The following LIPA variants were observed in gnomAD, a reference collection of about 807,000 sequenced individuals.
The protein encoded by LIPA is lysosomal acid lipase/cholesteryl ester hydrolase.
A neutral mutation model predicts 40.6 loss-of-function variants in LIPA; 26 were observed. The ratio of observed to expected loss-of-function variants is 0.64; its 90% CI spans 0.47 to 0.89. The LOEUF (loss-of-function observed/expected upper bound fraction) is 0.89, where lower values mean the gene tolerates loss of function less well. LIPA is among the 40% of genes least tolerant of loss of function. The probability of loss-of-function intolerance (pLI) is 0.00; values close to 1 mark genes in which losing one functional copy is unlikely to be tolerated. For synonymous variants in LIPA, 188 were observed against 168.4 expected (o/e 1.12, Z -0.90); for missense variants, 455 against 479.6 (o/e 0.95, Z 0.48).
At chr10:89,289,993 A>C (rs1052212089) in intron 1 of LIPA, among the ~76,000 whole-genome samples, 3 of 126,160 alleles carry the variant, frequency 2.4e-5, no homozygotes, top group African/African-American at 8.8e-5. Flanking sequence ...ACTGCTAAAA[A>C]AAAAGGGTGG....
intron 1 of LIPA, among the ~76,000 whole-genome samples, chr10:89,330,161 G>C (rs1351920450): frequency 2.6e-5 from 4 of 152,212 alleles, no homozygotes; most frequent in Non-Finnish European, 5.9e-5. Context: ...GGCTTAGCTT[G>C]GGCTCAGAGG....
intron 1 of LIPA, among the ~76,000 whole-genome samples, chr10:89,325,416 G>A (rs1397377984): frequency 6.6e-6 from 1 of 152,126 alleles, no homozygotes; most frequent in African/African-American, 2.4e-5. Flanking sequence ...ACATGTTCAA[G>A]TATGTTCATC....
At chr10:89,279,184 G>A (rs1192769311) in intron 1 of LIPA, among the ~76,000 whole-genome samples, 1 of 152,176 alleles carries the variant, frequency 6.6e-6, no homozygotes, top group Non-Finnish European at 1.5e-5. Context: ...GTGATGATTT[G>A]TGTCCATTTG....
At chr10:89,386,106 C>A (rs1844208824) in intron 2 of LIPA, among the ~76,000 whole-genome samples, 2 of 152,106 alleles carry the variant, frequency 1.3e-5, no homozygotes, top group Admixed American at 1.3e-4. Flanking sequence ...CAAGCACAGT[C>A]ATAGCACGCT....
chr10:89,278,005 T>C (rs1476896184), intron 1 of LIPA: 1 of 152,136 alleles, frequency 6.6e-6, no homozygotes, highest in Non-Finnish European at 1.5e-5. Context: ...TGTACTGCCA[T>C]TGTGAGAACC....
intron 2 of LIPA, chr10:89,393,220 G>A (rs1292670459): frequency 7.8e-7 from 1 of 1,289,756 alleles, no homozygotes; most frequent in African/African-American, 1.5e-5. Context: ...AAAGCTCACA[G>A]CCTTCCTCCA....
intron 1 of LIPA, among the ~76,000 whole-genome samples, chr10:89,323,536 C>T (rs1192226196): frequency 6.6e-6 from 1 of 151,518 alleles, no homozygotes; most frequent in African/African-American, 2.4e-5. Flanking sequence ...CTAGAAAACC[C>T]CCACGTCTCT....
At chr10:89,267,732 A>T (rs59398299) in intron 1 of LIPA, among the ~76,000 whole-genome samples, 1,228 of 46,282 alleles carry the variant, frequency 0.027, 17 homozygotes, top group African/African-American at 0.075. Flanking sequence ...AGTATAATAA[A>T]AAAAAAAAAA....
rs575813188 is a variant in LIPA, at chr10:89,227,253, T to C, written c.429-249A>G. Among the ~76,000 whole-genome samples the C allele has an allele frequency of 3.3e-5, 5 of 152,376 alleles. No homozygotes were observed. The East Asian group carries it at 9.6e-4, about 29-fold the overall frequency. The stretch of plus-strand genomic sequence containing the variant: ...AGTTTCGCCTGTTTTTAAATATTTC[T>C]GTAAGTAGAATTATACAATGTGTAT... On this transcript the variant is annotated intron_variant, in intron 4 of 9. Coordinates refer to ENST00000336233, the MANE Select transcript of LIPA (RefSeq NM_000235.4).
At chr10:89,397,923 A>G (rs1004548199) in intron 2 of LIPA, among the ~76,000 whole-genome samples, 58 of 152,232 alleles carry the variant, frequency 3.8e-4, no homozygotes, top group Non-Finnish European at 8.5e-4. Flanking sequence ...CATATATAAC[A>G]TAAAATCCAC....
chr10:89,282,469 C>T (rs1472423568), intron 1 of LIPA, among the ~76,000 whole-genome samples: 2 of 151,996 alleles, frequency 1.3e-5, no homozygotes, highest in Non-Finnish European at 2.9e-5. Flanking sequence ...GAAACCCCGT[C>T]TCTGCTAAAA....
At chr10:89,226,863 A>T in intron 5 of LIPA, 32 bp downstream of exon 5, 1 of 1,229,874 alleles carries the variant, frequency 8.1e-7, no homozygotes, top group Non-Finnish European at 1.2e-6. Flanking sequence ...TGAAGAATTT[A>T]TATCAACTTC....
At chr10:89,269,363 T>C (rs1421315616) in intron 1 of LIPA, among the ~76,000 whole-genome samples, 1 of 152,188 alleles carries the variant, frequency 6.6e-6, no homozygotes, top group Non-Finnish European at 1.5e-5. Flanking sequence ...ATTTCTATTT[T>C]TTAAGCCAGG....
intron 2 of LIPA, chr10:89,392,596 T>C (rs1316698736): frequency 1.2e-5 from 14 of 1,138,102 alleles, no homozygotes; most frequent in Non-Finnish European, 1.7e-5. Flanking sequence ...AGCTCCCTTA[T>C]ATAACACTGT....
At chr10:89,366,174 G>C (rs1242046924) in intron 2 of LIPA, among the ~76,000 whole-genome samples, 2 of 152,148 alleles carry the variant, frequency 1.3e-5, no homozygotes, top group East Asian at 3.8e-4. Context: ...CACATCCCTT[G>C]TAAGTTGGAT....
chr10:89,333,905 C>T (rs1177278745), intron 1 of LIPA, among the ~76,000 whole-genome samples: 2 of 152,174 alleles, frequency 1.3e-5, no homozygotes, highest in African/African-American at 2.4e-5. Flanking sequence ...TCCATATGTA[C>T]ATTAAAGGTT....
Position 89,384,568 on chromosome 10 carries a change from CT to C in LIPA, c.61+28222del, listed in dbSNP as rs1230493468. Reference sequence around the variant, plus strand: ...AATGTCCCATTCCAGGGAAAAACTTCTCAATGCTTTAGAGAAATTGGCTAAA... The same window carrying C: ...AATGTCCCATTCCAGGGAAAAACTTCCAATGCTTTAGAGAAATTGGCTAAA... On this transcript the variant is annotated intron_variant, in intron 2 of 8. Coordinates refer to the LIPA transcript ENST00000371837. 2.5e-6 allele frequency: 4 copies of C among 1,614,166 alleles called. No homozygotes were observed. The East Asian group carries it at 8.9e-5, about 36-fold the overall frequency.
rs1226411840 is a variant in LIPA, at chr10:89,268,674, C to T, written c.-1-21025G>A. Among the ~76,000 whole-genome samples the T allele has an allele frequency of 2.0e-5, 3 of 152,080 alleles. No homozygotes were observed. In the East Asian group the frequency reaches 5.8e-4, roughly 29 times the overall value. On this transcript the variant is annotated intron_variant, in intron 1 of 5. Transcript: ENST00000282673. ...ATGGTTGCATGTATTATTTTGTCATCTGGAGTTACAATGATTTACTTTAAA... is the reference window on the plus strand; with the variant it reads ...ATGGTTGCATGTATTATTTTGTCATTTGGAGTTACAATGATTTACTTTAAA...
At chr10:89,225,805 C>T (rs1250425473) in intron 5 of LIPA, among the ~76,000 whole-genome samples, 1 of 152,028 alleles carries the variant, frequency 6.6e-6, no homozygotes, top group Non-Finnish European at 1.5e-5. Flanking sequence ...ATCACGGAGG[C>T]GGTTCCCCCC....
Sources: allele counts gnomAD v4.1 joint callset (sites outside exome capture counted in the v4.1 genomes callset), GRCh38; gene constraint gnomAD v4.1.1; transcripts MANE v1.5; gene names NCBI Gene and HGNC (gene_info 2026-07-23, HGNC 2026-07-21).